The following CFAP69 variants were observed in gnomAD, a reference collection of about 807,000 sequenced individuals.
CFAP69 encodes cilia- and flagella-associated protein 69.
Under a neutral mutation model 123.0 loss-of-function variants are expected in CFAP69, and 92 were observed. The observed-to-expected ratio is 0.75, with a 90% CI of 0.63 to 0.89. The LOEUF (loss-of-function observed/expected upper bound fraction) is 0.89. Among genes scored for constraint, CFAP69 ranks in the 40% least tolerant of loss-of-function variants. The pLI is 0.00. For missense variants in CFAP69, 1,067 were observed against 1,096.9 expected, an observed-to-expected ratio of 0.97 and a Z score of 0.39; for synonymous variants, 380 against 364.3, an observed-to-expected ratio of 1.04 and a Z score of -0.49.
intron 14 of CFAP69, chr7:90,287,583 A>G (rs1194769130): frequency 2.8e-5 from 28 of 985,388 alleles, no homozygotes; most frequent in Non-Finnish European, 3.4e-5. Context: ...ATAAAAACAA[A>G]AAAATGATGG....
At chr7:90,295,772 T>C (rs2117269449) in intron 15 of CFAP69, among the ~76,000 whole-genome samples, 1 of 152,356 alleles carries the variant, frequency 6.6e-6, no homozygotes, top group South Asian at 2.1e-4. Context: ...TAAGGACTGC[T>C]GGTTGCCCGT....
intron 9 of CFAP69, among the ~76,000 whole-genome samples, chr7:90,276,514 A>G (rs1203121769): frequency 6.6e-6 from 1 of 152,238 alleles, no homozygotes; most frequent in African/African-American, 2.4e-5. Context: ...TAATGTGCAA[A>G]ATCCAACTAG....
the CFAP69 span, chr7:90,319,130 A>C: frequency 8.1e-6 from 3 of 371,702 alleles, no homozygotes; most frequent in Admixed American, 1.4e-4. Flanking sequence ...TATCTACCAA[A>C]GTGTATTATA....
chr7:90,282,934 G>A lies in CFAP69; in HGVS notation c.1415G>A (p.Gly472Asp), dbSNP rs761803626. Reference sequence around the variant, plus strand: ...GGTAACAGTTTTCATGGTACAGGTGGCCGAGGCAACAAGTTTGCCCAGATG... The same window carrying A: ...GGTAACAGTTTTCATGGTACAGGTGACCGAGGCAACAAGTTTGCCCAGATG... ...SHGNSFHGTG[G>D]RGNKFAQMRY... The change falls in exon 13 of 23, where the codon GGC becomes GAC. Residue 472 changes from glycine to aspartate, a missense_variant. Gly to Asp is a moderately conservative substitution (Grantham distance 94). Coordinates refer to ENST00000389297, the MANE Select transcript of CFAP69 (RefSeq NM_001039706.3). The A allele has an allele frequency of 6.3e-7, 1 of 1,582,928 alleles. No homozygotes were observed. Among genetic ancestry groups the A allele is most frequent in the South Asian group, 1.2e-5 (1 of 85,380 alleles).
At chr7:90,293,840 C>A (rs17875112) in intron 15 of CFAP69, among the ~76,000 whole-genome samples, 32 of 152,224 alleles carry the variant, frequency 2.1e-4, no homozygotes, top group African/African-American at 7.0e-4. Context: ...GTGTCCCAGG[C>A]CTTACCTAGC....
At chr7:90,320,431 G>C in the CFAP69 span, 3 of 152,250 alleles carry the variant, frequency 2.0e-5, no homozygotes, top group African/African-American at 4.8e-5. Flanking sequence ...GGTAGGATGA[G>C]ATAGTGCAGG....
chr7:90,286,846 G>A (rs1254008123), intron 14 of CFAP69, among the ~76,000 whole-genome samples: 1 of 152,026 alleles, frequency 6.6e-6, no homozygotes, highest in African/African-American at 2.4e-5. Context: ...TCAGCACTTT[G>A]GGAGGCTGAG....
At chr7:90,300,204 T>A in intron 17 of CFAP69, 145 bp downstream of exon 17, 1 of 1,171,384 alleles carries the variant, frequency 8.5e-7, no homozygotes, top group African/African-American at 1.6e-5. Context: ...AAATTTGCTA[T>A]CCTAAGTGAC....
At chr7:90,316,153 T>C in the CFAP69 span, among the ~76,000 whole-genome samples, 9 of 152,294 alleles carry the variant, frequency 5.9e-5, no homozygotes, top group Non-Finnish European at 1.0e-4. Flanking sequence ...ACATAGATAA[T>C]TATTATCCCT....
chr7:90,263,575 C>A (rs1332651788), intron 4 of CFAP69, among the ~76,000 whole-genome samples: 1 of 152,040 alleles, frequency 6.6e-6, no homozygotes, highest in Non-Finnish European at 1.5e-5. Flanking sequence ...CTTTAGAGAT[C>A]CAAAAAGCAG....
At chr7:90,316,638 A>G in the CFAP69 span, 1 of 152,246 alleles carries the variant, frequency 6.6e-6, no homozygotes, top group Non-Finnish European at 1.5e-5. Context: ...TTTTATATGC[A>G]GATGACACTA....
the CFAP69 span, chr7:90,319,121 A>G: frequency 2.8e-6 from 1 of 360,308 alleles, no homozygotes; most frequent in Non-Finnish European, 4.9e-6. Context: ...AATTTTAATT[A>G]TCTACCAAAG....
At chr7:90,300,108 A>G in intron 17 of CFAP69, 49 bp downstream of exon 17, 2 of 1,390,060 alleles carry the variant, frequency 1.4e-6, no homozygotes, top group Non-Finnish European at 1.9e-6. Context: ...TATATATTTT[A>G]AAAGATCTTT....
chr7:90,277,308 T>C lies in CFAP69; in HGVS notation c.1129T>C (p.Leu377=). The change falls in exon 11 of 23, where the codon TTA becomes CTA. Residue 377 remains leucine (L), a synonymous_variant. Coordinates refer to ENST00000389297, the MANE Select transcript of CFAP69 (RefSeq NM_001039706.3). ...KKLLFNVIVI[L]CKDLPTVQLL... ...ATTACTATTCAACGTAATTGTGATCTTATGTAAAGATTTACCTACTGTACA... is the reference window on the plus strand; with the variant it reads ...ATTACTATTCAACGTAATTGTGATCCTATGTAAAGATTTACCTACTGTACA... 6.3e-7 allele frequency: 1 copy of C among 1,577,090 alleles called. No homozygotes were observed. Among genetic ancestry groups the C allele is most frequent in the Non-Finnish European group, 8.6e-7 (1 of 1,165,240 alleles).
Position 90,282,876 on chromosome 7 carries a change from C to T in CFAP69, c.1373-16C>T. 1 of 1,434,110 alleles carries T rather than the reference C, an allele frequency of 7.0e-7. No individual in the cohort carries two copies. The highest frequency in any genetic ancestry group is 1.5e-5 in the African/African-American group (1 of 68,298). 88.8% of individuals were successfully genotyped at this position (1,434,110 alleles called of 1,614,324 possible). On this transcript the variant is annotated splice_polypyrimidine_tract_variant and intron_variant, in intron 12 of 22. Coordinates refer to ENST00000389297, the MANE Select transcript of CFAP69 (RefSeq NM_001039706.3). Reference sequence around the variant, plus strand: ...TTGAAATGTTTTTGTTTTAAATTATCACTTTTTCTCCACAGATCCGTTTTT... The same window carrying T: ...TTGAAATGTTTTTGTTTTAAATTATTACTTTTTCTCCACAGATCCGTTTTT...
In CFAP69 at chr7:90,293,792, A is replaced by G. The variant is rs17869718; in HGVS notation, c.1776-3957A>G. ...TGGAGCCTAGGACCCAGACAGAAGT[A>G]CAGATAAGGTCTGACTCTTTCCAGC... On this transcript the variant is annotated intron_variant, in intron 15 of 22. Transcript: ENST00000389297. 8.1e-3 allele frequency among the ~76,000 whole-genome samples: 1,239 copies of G among 152,340 alleles called. 15 individuals carry two copies. The highest frequency in any genetic ancestry group is 0.029 in the African/African-American group (1,186 of 41,572).
intron 2 of CFAP69, among the ~76,000 whole-genome samples, chr7:90,256,292 A>G (rs1232682025): frequency 1.3e-5 from 2 of 152,140 alleles, no homozygotes; most frequent in Admixed American, 6.5e-5. Context: ...AAATCCAAAC[A>G]CTGCATGTTC....
intron 14 of CFAP69, 40 bp downstream of exon 14, chr7:90,286,439 C>A: frequency 1.3e-6 from 2 of 1,585,874 alleles, no homozygotes; most frequent in Non-Finnish European, 8.6e-7. Flanking sequence ...GTCTCCCAGT[C>A]ACCTAACACT....
chr7:90,307,745 C>CTTAA (rs1295483007), intron 20 of CFAP69, 23 bp from the exon 21 acceptor site: 38 of 1,479,176 alleles, frequency 2.6e-5, no homozygotes, highest in Non-Finnish European at 3.4e-5. Flanking sequence ...GAAACTGAAA[C>CTTAA]TTAATTATCT....
Sources: gnomAD v4.1 joint callset for allele counts (sites outside exome capture counted in the v4.1 genomes callset) on GRCh38, gnomAD v4.1.1 for gene constraint, MANE v1.5 for transcripts, NCBI Gene and HGNC (gene_info 2026-07-23, HGNC 2026-07-21) for gene names.